SORCS3: variants seen among roughly 807,000 people sequenced by gnomAD.
The protein encoded by SORCS3 is VPS10 domain-containing receptor SorCS3.
In SORCS3, 57 loss-of-function variants were observed where a neutral mutation model predicts 146.3. That is an observed-to-expected ratio of 0.39 (90% confidence interval 0.31 to 0.49). The LOEUF is 0.49. SORCS3 is among the 20% of genes least tolerant of loss of function. The pLI is 0.92. For synonymous variants in SORCS3, 653 were observed against 618.5 expected (o/e 1.06, Z -0.83); for missense variants, 1,341 against 1,575.5 (o/e 0.85, Z 2.52).
intron 1 of SORCS3, among the ~76,000 whole-genome samples, chr10:104,653,314 C>T (rs2015585778): frequency 6.6e-6 from 1 of 152,114 alleles, no homozygotes; most frequent in South Asian, 2.1e-4. Context: ...CTATGATATT[C>T]CAACTTTTTA....
chr10:105,248,255 AT>A (rs2056878892), intron 22 of SORCS3, among the ~76,000 whole-genome samples: 1 of 152,202 alleles, frequency 6.6e-6, no homozygotes, highest in South Asian at 2.1e-4. Context: ...CAGCATCTCT[AT>A]GGGGCAGAGA....
intron 1 of SORCS3, among the ~76,000 whole-genome samples, chr10:104,818,838 G>A (rs1157574405): frequency 6.6e-6 from 1 of 152,092 alleles, no homozygotes; most frequent in Non-Finnish European, 1.5e-5. Flanking sequence ...GGTGTGTAGG[G>A]ATGAGTGCAC....
intron 14 of SORCS3, among the ~76,000 whole-genome samples, chr10:105,191,286 T>C (rs1477872421): frequency 6.6e-6 from 1 of 152,200 alleles, no homozygotes; most frequent in East Asian, 1.9e-4. Flanking sequence ...AGGAGAGTGA[T>C]TTTATTTTCT....
At chr10:104,884,410 C>A (rs2018661339) in intron 2 of SORCS3, among the ~76,000 whole-genome samples, 2 of 152,108 alleles carry the variant, frequency 1.3e-5, no homozygotes, top group Admixed American at 1.3e-4. Context: ...TATAAAAATT[C>A]ATATGTTATG....
chr10:105,056,351 G>A (rs374438887), intron 5 of SORCS3, among the ~76,000 whole-genome samples: 226 of 152,284 alleles, frequency 1.5e-3, no homozygotes, highest in African/African-American at 5.4e-3. Flanking sequence ...TGTGCAGAAT[G>A]TTCTCTGAGG....
intron 7 of SORCS3, among the ~76,000 whole-genome samples, chr10:105,110,235 C>G (rs2055850664): frequency 1.3e-5 from 2 of 151,170 alleles, no homozygotes; most frequent in Non-Finnish European, 2.9e-5. Flanking sequence ...TCTCTCGTAT[C>G]AACATACCTT....
intron 4 of SORCS3, among the ~76,000 whole-genome samples, chr10:104,987,953 A>T (rs2054971765): frequency 6.6e-6 from 1 of 152,164 alleles, no homozygotes; most frequent in African/African-American, 2.4e-5. Flanking sequence ...CTTTACTCAG[A>T]GTTGGACGTA....
At chr10:105,007,314 T>G (rs1359474184) in intron 4 of SORCS3, among the ~76,000 whole-genome samples, 2 of 151,472 alleles carry the variant, frequency 1.3e-5, no homozygotes, top group African/African-American at 4.9e-5. Flanking sequence ...TTAGTTGAGG[T>G]GAAAATACAC....
chr10:105,219,839 A>G (rs763673134), intron 19 of SORCS3, among the ~76,000 whole-genome samples: 24 of 152,200 alleles, frequency 1.6e-4, no homozygotes, highest in Non-Finnish European at 3.4e-4. Context: ...ATGACAACCA[A>G]TGTATCTTAC....
rs1193311228 is a variant in SORCS3 at position 104,909,476 on chromosome 10, G to A, written c.696-6357G>A. Among the ~76,000 whole-genome samples, 3 of 152,148 alleles carry A rather than the reference G, an allele frequency of 2.0e-5. No homozygotes were observed. The South Asian group carries it at 6.2e-4, about 32-fold the overall frequency. On this transcript the variant is annotated intron_variant, in intron 2 of 26. Transcript: ENST00000369701. ...TTAGATTGTATCCCTCAGAAGGCAG[G>A]CCACTGAGGAGATGACTTCTGACTG...
At chr10:104,865,572 A>C (rs1201986781) in intron 2 of SORCS3, among the ~76,000 whole-genome samples, 1 of 152,202 alleles carries the variant, frequency 6.6e-6, no homozygotes, top group African/African-American at 2.4e-5. Flanking sequence ...CACCCTCAAA[A>C]GATCCCAAGA....
intron 2 of SORCS3, among the ~76,000 whole-genome samples, chr10:104,904,754 T>A (rs560498047): frequency 3.5e-4 from 53 of 150,526 alleles, no homozygotes; most frequent in Non-Finnish European, 6.2e-4. Context: ...GTTAACTGAG[T>A]TTTTCTATAT....
chr10:105,096,115 C>T (rs1010690810), intron 6 of SORCS3, among the ~76,000 whole-genome samples: 4 of 150,622 alleles, frequency 2.7e-5, no homozygotes, highest in African/African-American at 9.8e-5. Flanking sequence ...CACACACACA[C>T]ACACACACAC....
At chr10:105,105,710 A>G (rs1421677503) in intron 7 of SORCS3, among the ~76,000 whole-genome samples, 195 bp downstream of exon 7, 3 of 152,166 alleles carry the variant, frequency 2.0e-5, no homozygotes, top group Admixed American at 6.5e-5. Flanking sequence ...GAATCCTTCC[A>G]TTGGATTGCC....
intron 2 of SORCS3, among the ~76,000 whole-genome samples, chr10:104,874,170 T>C (rs2018546837): frequency 6.6e-6 from 1 of 152,144 alleles, no homozygotes; most frequent in Admixed American, 6.5e-5. Context: ...CACACCCTCC[T>C]CTTTGTTTAA....
At chr10:104,860,702 A>C (rs530670378) in intron 2 of SORCS3, among the ~76,000 whole-genome samples, 2 of 152,338 alleles carry the variant, frequency 1.3e-5, no homozygotes, top group African/African-American at 4.8e-5. Context: ...ACTCATTGCT[A>C]TAATAAACCA....
intron 14 of SORCS3, among the ~76,000 whole-genome samples, chr10:105,180,261 G>A (rs1055841698): frequency 6.6e-6 from 1 of 152,206 alleles, no homozygotes; most frequent in Non-Finnish European, 1.5e-5. Context: ...GGTGACAACT[G>A]AGTTGGTCTG....
intron 2 of SORCS3, among the ~76,000 whole-genome samples, chr10:104,856,198 A>G (rs1440582892): frequency 6.6e-6 from 1 of 152,054 alleles, no homozygotes; most frequent in East Asian, 1.9e-4. Flanking sequence ...TGTGTACAAT[A>G]TCTTTCCTAG....
rs1223790465 is a variant in SORCS3 at position 105,049,604 on chromosome 10, TAAG to T, written c.1028+6483_1028+6485del. On this transcript the variant is annotated intron_variant, in intron 5 of 26. Transcript: ENST00000369701. ...AGTATTTTTGGTTTAATCACTACTATAAGAAGAAGTTTATCATATCAAAATATA... is the reference window on the plus strand; with the variant it reads ...AGTATTTTTGGTTTAATCACTACTATAAGAAGTTTATCATATCAAAATATA... Among the ~76,000 whole-genome samples, 6 of 152,216 alleles carry T rather than the reference TAAG, an allele frequency of 3.9e-5. No homozygotes were observed. In the East Asian group the frequency reaches 1.2e-3, roughly 29 times the overall value.
Sources: gnomAD v4.1 joint callset for allele counts (sites outside exome capture counted in the v4.1 genomes callset) on GRCh38, gnomAD v4.1.1 for gene constraint, MANE v1.5 for transcripts, NCBI Gene and HGNC (gene_info 2026-07-23, HGNC 2026-07-21) for gene names.